Variants in ENOX1 observed in about 807,000 individuals in gnomAD.
ENOX1 encodes the protein candidate growth-related and time keeping constitutive hydroquinone (NADH) oxidase.
In ENOX1, 42 loss-of-function variants were observed where a neutral mutation model predicts 82.5. The ratio of observed to expected loss-of-function variants is 0.51; its 90% confidence interval spans 0.40 to 0.66. ENOX1 has a LOEUF of 0.66. ENOX1 is among the 30% of genes least tolerant of loss of function. The probability of loss-of-function intolerance (pLI) is 0.00; values close to 1 mark genes in which losing one functional copy is unlikely to be tolerated. For synonymous variants in ENOX1, 271 were observed against 282.2 expected (o/e 0.96, Z 0.40); for missense variants, 608 against 811.6 (o/e 0.75, Z 3.05).
At chr13:43,500,892 T>C (rs976869880) in intron 2 of ENOX1, among the ~76,000 whole-genome samples, 3 of 151,912 alleles carry the variant, frequency 2.0e-5, no homozygotes, top group Non-Finnish European at 2.9e-5. Context: ...AGAAGTTTTA[T>C]GTACACCTCA....
intron 5 of ENOX1, among the ~76,000 whole-genome samples, chr13:43,399,477 A>G (rs2053365975): frequency 6.6e-6 from 1 of 152,180 alleles, no homozygotes; most frequent in Non-Finnish European, 1.5e-5. Context: ...TTCTCTTTTC[A>G]TTCCCTTAAA....
chr13:43,594,308 G>C (rs758124680), intron 2 of ENOX1, among the ~76,000 whole-genome samples: 1 of 152,156 alleles, frequency 6.6e-6, no homozygotes, highest in Non-Finnish European at 1.5e-5. Flanking sequence ...TTCCTGTCTG[G>C]TGTAATAGTG....
chr13:43,460,813 AAAAAAAAAAAAAAAAAAT>A (rs757496670), intron 3 of ENOX1, among the ~76,000 whole-genome samples: 16,474 of 122,254 alleles, frequency 0.13, 2,722 homozygotes, highest in East Asian at 0.49. Flanking sequence ...AAAAAAAAAA[AAAAAAAAAAAAAAAAAAT>A]AGGGATAGCT....
At chr13:43,243,692 A>C (rs1350351256) in intron 14 of ENOX1, among the ~76,000 whole-genome samples, 1 of 152,160 alleles carries the variant, frequency 6.6e-6, no homozygotes, top group Non-Finnish European at 1.5e-5. Context: ...CACCAGGTCA[A>C]TTTTCTAATA....
chr13:43,532,086 T>A (rs983180106), intron 2 of ENOX1, among the ~76,000 whole-genome samples: 3 of 151,610 alleles, frequency 2.0e-5, no homozygotes, highest in Non-Finnish European at 2.9e-5. Flanking sequence ...AAATAAAATT[T>A]AAAAAAAGAA....
chr13:43,531,672 C>G (rs2078225919), intron 2 of ENOX1, among the ~76,000 whole-genome samples: 1 of 145,010 alleles, frequency 6.9e-6, no homozygotes, highest in African/African-American at 2.6e-5. Flanking sequence ...TTGGAACCAA[C>G]CCAAATGTCC....
At chr13:43,415,698 C>T (rs1270385183) in intron 3 of ENOX1, among the ~76,000 whole-genome samples, 2 of 152,076 alleles carry the variant, frequency 1.3e-5, no homozygotes, top group Non-Finnish European at 2.9e-5. Context: ...CCTCACATTT[C>T]CCCCTTTTCT....
At chr13:43,439,047 T>TTTTTTTTTTTTTTTTTTTTTG (rs2056205435) in intron 3 of ENOX1, among the ~76,000 whole-genome samples, 1 of 148,668 alleles carries the variant, frequency 6.7e-6, no homozygotes. Flanking sequence ...TAATCTTTTT[T>TTTTTTTTTTTTTTTTTTTTTG]TTTTTTTTTT....
intron 2 of ENOX1, among the ~76,000 whole-genome samples, chr13:43,581,586 T>G (rs1440161334): frequency 6.6e-6 from 1 of 152,170 alleles, no homozygotes; most frequent in African/African-American, 2.4e-5. Context: ...ATCATACAAG[T>G]GACACAAAAA....
intron 2 of ENOX1, among the ~76,000 whole-genome samples, chr13:43,596,340 T>G (rs1264208570): frequency 1.3e-5 from 2 of 152,208 alleles, no homozygotes; most frequent in Non-Finnish European, 2.9e-5. Flanking sequence ...TTTTCACCAC[T>G]TAAAAACAAC....
At chr13:43,703,862 A>T (rs116029978) in intron 1 of ENOX1, among the ~76,000 whole-genome samples, 1,737 of 152,020 alleles carry the variant, frequency 0.011, 25 homozygotes, top group African/African-American at 0.034. Flanking sequence ...TTATATATAT[A>T]TTTTTTTAAA....
At chr13:43,694,484 A>G (rs1044858928) in intron 1 of ENOX1, among the ~76,000 whole-genome samples, 3 of 152,134 alleles carry the variant, frequency 2.0e-5, no homozygotes, top group African/African-American at 7.2e-5. Flanking sequence ...CAATTCACAC[A>G]AGTCAGTCCT....
intron 2 of ENOX1, among the ~76,000 whole-genome samples, chr13:43,660,032 G>A (rs1244751060): frequency 6.6e-6 from 1 of 152,084 alleles, no homozygotes; most frequent in Non-Finnish European, 1.5e-5. Flanking sequence ...TTTCCTTCTT[G>A]TATAAAGTTA....
intron 2 of ENOX1, among the ~76,000 whole-genome samples, chr13:43,608,318 C>T (rs1198973909): frequency 1.3e-5 from 2 of 152,112 alleles, no homozygotes; most frequent in Non-Finnish European, 2.9e-5. Context: ...TTTAATGTCA[C>T]ATATATTTTA....
chr13:43,392,375 T>C (rs144644421), intron 5 of ENOX1, among the ~76,000 whole-genome samples: 1 of 152,110 alleles, frequency 6.6e-6, no homozygotes, highest in Non-Finnish European at 1.5e-5. Context: ...ACTACTAAAC[T>C]ATGACATTAA....
intron 1 of ENOX1, among the ~76,000 whole-genome samples, chr13:43,695,971 A>T (rs1325542391): frequency 1.3e-5 from 2 of 152,184 alleles, no homozygotes; most frequent in African/African-American, 4.8e-5. Context: ...AACCCATGAT[A>T]ACTACTACTC....
chr13:43,415,981 G>A (rs1421768312), intron 3 of ENOX1, among the ~76,000 whole-genome samples: 271 of 40,688 alleles, frequency 6.7e-3, no homozygotes, highest in Non-Finnish European at 6.8e-3. Flanking sequence ...CAGACAGGGC[G>A]GCCAGGCAGA....
chr13:43,666,287 T>C (rs1432178659), intron 2 of ENOX1, among the ~76,000 whole-genome samples: 1 of 152,142 alleles, frequency 6.6e-6, no homozygotes, highest in African/African-American at 2.4e-5. Context: ...TGTACCCCTA[T>C]AGTGCTATTG....
intron 2 of ENOX1, among the ~76,000 whole-genome samples, chr13:43,519,758 C>T (rs966516549): frequency 2.0e-5 from 3 of 152,126 alleles, no homozygotes; most frequent in Admixed American, 1.3e-4. Flanking sequence ...GAATCCCCTG[C>T]GATCCTCTCT....
Sources: gnomAD v4.1 joint callset for allele counts (sites outside exome capture counted in the v4.1 genomes callset) on GRCh38, gnomAD v4.1.1 for gene constraint, MANE v1.5 for transcripts, NCBI Gene and HGNC (gene_info 2026-07-23, HGNC 2026-07-21) for gene names.